The following PCDHA10 variants were observed in gnomAD, a reference collection of about 807,000 sequenced individuals.
The protein encoded by PCDHA10 is protocadherin alpha 10.
Under a neutral mutation model 61.2 loss-of-function variants are expected in PCDHA10, and 45 were observed. That is an observed-to-expected ratio of 0.74 (90% CI 0.58 to 0.94). The LOEUF is 0.94. PCDHA10 is among the 40% of genes least tolerant of loss of function. The pLI is 0.00. For synonymous variants in PCDHA10, 602 were observed against 548.8 expected, an observed-to-expected ratio of 1.10 and a Z score of -1.35; for missense variants, 1,278 against 1,236.2, an observed-to-expected ratio of 1.03 and a Z score of -0.51.
chr5:141,009,771 T>A lies in PCDHA10; in HGVS notation c.2681T>A (p.Ile894Asn). The change falls in exon 4 of 4, where the codon ATC (isoleucine) becomes AAC (asparagine). Residue 894 changes from isoleucine (I) to asparagine (N), a missense_variant. Transcript: ENST00000307360. The part of the protein sequence containing the change: ...DKFIIPGSPA[I>N]ISIRQEPTNS... ...TTCATTATCCCAGGATCTCCTGCAA[T>A]CATCTCCATCCGGCAGGAGCCTACT... 3 of 1,614,082 alleles carry A rather than the reference T, an allele frequency of 1.9e-6. No homozygotes were observed. Among genetic ancestry groups the A allele is most frequent in the Non-Finnish European group, 2.5e-6 (3 of 1,180,020 alleles).
chr5:140,897,174 G>C (rs1356780883), intron 1 of PCDHA10, among the ~76,000 whole-genome samples: 1 of 151,818 alleles, frequency 6.6e-6, no homozygotes, highest in Non-Finnish European at 1.5e-5. Context: ...TATCTCCATG[G>C]GTTCAAAAAA....
At position 140,856,117 on chromosome 5, in the gene PCDHA10, G is replaced by A; in HGVS notation, c.69G>A (p.Trp23Ter). 1 of 1,598,170 alleles carries A rather than the reference G, an allele frequency of 6.3e-7. No homozygotes were observed. The highest frequency in any genetic ancestry group is 2.2e-5 in the East Asian group (1 of 44,850). ...LLLSLLLLAA[W>*]EVGSGQLHYS... ...TCTCGCTTCTTCTCCTCGCAGCCTG[G>A]GAGGTGGGGAGCGGCCAGCTCCACT... Residue 23 changes from tryptophan to a stop codon, truncating the protein, a stop_gained, in exon 1 of 4, where the codon TGG (tryptophan) becomes TGA (stop). Coordinates refer to ENST00000307360, the MANE Select transcript of PCDHA10 (RefSeq NM_018901.4). LOFTEE classifies it high-confidence loss of function.
intron 1 of PCDHA10, chr5:140,928,602 GC>G: frequency 1.2e-6 from 2 of 1,614,176 alleles, no homozygotes; most frequent in Non-Finnish European, 1.7e-6. Flanking sequence ...TGGAAATTGT[GC>G]CCCGCTCTGC....
chr5:140,974,116 G>T (rs2096616118), intron 1 of PCDHA10, among the ~76,000 whole-genome samples: 1 of 152,192 alleles, frequency 6.6e-6, no homozygotes. Context: ...TTCTTTTGCA[G>T]TGTTTTAAAT....
intron 1 of PCDHA10, chr5:140,883,811 G>C (rs782535066): frequency 6.2e-7 from 1 of 1,612,586 alleles, no homozygotes; most frequent in South Asian, 1.1e-5. Context: ...CGCGGAGAGC[G>C]GCAAGGTGTA....
chr5:140,900,817 A>G (rs2068314504), intron 1 of PCDHA10, among the ~76,000 whole-genome samples: 1 of 152,154 alleles, frequency 6.6e-6, no homozygotes, highest in Non-Finnish European at 1.5e-5. Context: ...ACTAATTTAC[A>G]TTCCCACCAA....
At chr5:140,941,754 T>A (rs2093159057) in intron 1 of PCDHA10, among the ~76,000 whole-genome samples, 1 of 152,256 alleles carries the variant, frequency 6.6e-6, no homozygotes, top group African/African-American at 2.4e-5. Context: ...AGATTTTCAG[T>A]GCTTTTAAGA....
At chr5:140,897,682 A>G (rs1397590916) in intron 1 of PCDHA10, among the ~76,000 whole-genome samples, 3 of 152,186 alleles carry the variant, frequency 2.0e-5, no homozygotes, top group Non-Finnish European at 4.4e-5. Flanking sequence ...AGCATGATTT[A>G]TAGTCCTTTG....
chr5:140,862,165 T>C (rs1003648198), intron 1 of PCDHA10: 39 of 164,612 alleles, frequency 2.4e-4, no homozygotes, highest in Non-Finnish European at 2.3e-4. Context: ...AAGATTCAAA[T>C]ACAGGCAGTT....
At chr5:140,953,551 T>C (rs565115779) in intron 1 of PCDHA10, among the ~76,000 whole-genome samples, 1 of 152,240 alleles carries the variant, frequency 6.6e-6, no homozygotes, top group East Asian at 1.9e-4. Flanking sequence ...GATTCTTTTC[T>C]CCAAGTTTTA....
chr5:140,869,191 C>CA (rs1554162609), intron 1 of PCDHA10: 1 of 1,613,878 alleles, frequency 6.2e-7, no homozygotes, highest in East Asian at 2.2e-5. Flanking sequence ...GGGGAGCGGC[C>CA]AGCTCCACTA....
intron 3 of PCDHA10, among the ~76,000 whole-genome samples, chr5:140,994,851 A>C (rs1178274121): frequency 1.3e-5 from 2 of 149,076 alleles, no homozygotes; most frequent in African/African-American, 5.2e-5. Flanking sequence ...AGATGAGTGC[A>C]TTTGATGGAT....
chr5:140,906,816 G>A (rs574852506), intron 1 of PCDHA10, among the ~76,000 whole-genome samples: 6 of 152,360 alleles, frequency 3.9e-5, no homozygotes, highest in African/African-American at 1.4e-4. Context: ...TACCTCCACT[G>A]TGGAGTAGTA....
At chr5:140,941,042 T>C (rs532611705) in intron 1 of PCDHA10, among the ~76,000 whole-genome samples, 11 of 152,310 alleles carry the variant, frequency 7.2e-5, no homozygotes, top group African/African-American at 2.2e-4. Context: ...TGGTGCCAAG[T>C]CAAATTCCCC....
intron 2 of PCDHA10, among the ~76,000 whole-genome samples, chr5:140,979,303 C>A (rs1048294748): frequency 6.6e-6 from 1 of 152,148 alleles, no homozygotes; most frequent in Non-Finnish European, 1.5e-5. Context: ...CTCCTTCATC[C>A]CTCTCTACCT....
At chr5:140,865,318 CT>C (rs1554159374) in intron 1 of PCDHA10, 1 of 152,042 alleles carries the variant, frequency 6.6e-6, no homozygotes, top group Non-Finnish European at 1.5e-5. Flanking sequence ...ATGAGATGGC[CT>C]TTAATTCTGT....
At position 141,010,062 on chromosome 5, in the gene PCDHA10, A is replaced by G. The variant is rs1310704954; in HGVS notation, c.*125A>G. The G allele has an allele frequency of 8.1e-6, 13 of 1,602,422 alleles. No individual in the cohort carries two copies. Among genetic ancestry groups the G allele is most frequent in the African/African-American group, 2.7e-5 (2 of 74,284 alleles). On this transcript the variant is annotated 3_prime_UTR_variant, in exon 4 of 4. Transcript: ENST00000307360. Reference sequence around the variant, plus strand: ...CCTCTTAGAGACCTCAGAAATCTGCAGAAAGTTCCCTGTGTCTGTCTAGAA... The same window carrying G: ...CCTCTTAGAGACCTCAGAAATCTGCGGAAAGTTCCCTGTGTCTGTCTAGAA...
intron 1 of PCDHA10, chr5:140,883,858 G>C (rs2059854560): frequency 6.2e-7 from 1 of 1,613,142 alleles, no homozygotes; most frequent in Middle Eastern, 1.8e-4. Context: ...AGCTGGAGCT[G>C]TTGCAGTTCC....
chr5:140,883,707 A>C, intron 1 of PCDHA10: 1 of 1,613,636 alleles, frequency 6.2e-7, no homozygotes. Context: ...GTGTCTGCTC[A>C]GGACGCGGAC....
Sources: gnomAD v4.1 joint callset for allele counts (sites outside exome capture counted in the v4.1 genomes callset) on GRCh38, gnomAD v4.1.1 for gene constraint, MANE v1.5 for transcripts, NCBI Gene and HGNC (gene_info 2026-07-23, HGNC 2026-07-21) for gene names.